SDK1: variants seen among roughly 807,000 people sequenced by gnomAD.
The protein encoded by SDK1 is sidekick cell adhesion molecule 1.
SDK1 carries 157 observed loss-of-function variants against 245.5 expected under a neutral mutation model. The ratio of observed to expected loss-of-function variants is 0.64; its 90% confidence interval spans 0.56 to 0.73. The LOEUF is 0.73. Among genes scored for constraint, SDK1 ranks in the 30% least tolerant of loss-of-function variants. SDK1 has a pLI of 0.00. For missense variants in SDK1, 3,583 were observed against 3,002.3 expected, an observed-to-expected ratio of 1.19 and a Z score of -4.52; for synonymous variants, 1,647 against 1,278.5, an observed-to-expected ratio of 1.29 and a Z score of -6.15.
At chr7:3,545,256 A>G (rs1779183637) in intron 1 of SDK1, among the ~76,000 whole-genome samples, 1 of 152,158 alleles carries the variant, frequency 6.6e-6, no homozygotes, top group African/African-American at 2.4e-5. Flanking sequence ...TAGAAAGTAG[A>G]GAAGAGTCAT....
chr7:3,640,056 T>C (rs1782602403), intron 3 of SDK1, among the ~76,000 whole-genome samples: 1 of 152,078 alleles, frequency 6.6e-6, no homozygotes, highest in Non-Finnish European at 1.5e-5. Flanking sequence ...GGGATCGCAC[T>C]GCATTGCCCA....
chr7:3,849,076 C>T (rs997001867), intron 5 of SDK1, among the ~76,000 whole-genome samples: 2 of 152,172 alleles, frequency 1.3e-5, no homozygotes, highest in African/African-American at 2.4e-5. Flanking sequence ...TTTTCATACC[C>T]GTCCTTTCTC....
intron 40 of SDK1, chr7:4,227,439 T>A (rs55953131): frequency 0.01 from 4,890 of 471,074 alleles, 202 homozygotes; most frequent in African/African-American, 0.089. Context: ...TGTCTTTTTT[T>A]TAAATCAGAT....
intron 5 of SDK1, among the ~76,000 whole-genome samples, chr7:3,845,195 C>G (rs1780246297): frequency 6.6e-6 from 1 of 152,006 alleles, no homozygotes; most frequent in African/African-American, 2.4e-5. Context: ...AGGTTGTTAA[C>G]CAAACCCATT....
intron 1 of SDK1, among the ~76,000 whole-genome samples, chr7:3,605,842 T>G (rs1781405213): frequency 6.6e-6 from 1 of 152,202 alleles, no homozygotes; most frequent in Admixed American, 6.5e-5. Flanking sequence ...TCTGATCAAA[T>G]TAAGTTGTTT....
intron 35 of SDK1, among the ~76,000 whole-genome samples, chr7:4,199,859 A>C (rs1480502601): frequency 6.6e-6 from 1 of 152,102 alleles, no homozygotes; most frequent in African/African-American, 2.4e-5. Context: ...GAACCACTCA[A>C]ATTAACCCAT....
At chr7:3,883,612 G>C (rs1448825148) in intron 5 of SDK1, among the ~76,000 whole-genome samples, 2 of 152,142 alleles carry the variant, frequency 1.3e-5, no homozygotes, top group East Asian at 1.9e-4. Context: ...GCAGGCCTTT[G>C]ACCTCTGTTC....
At chr7:3,658,374 T>A (rs749218958) in intron 4 of SDK1, among the ~76,000 whole-genome samples, 6 of 152,154 alleles carry the variant, frequency 3.9e-5, no homozygotes, top group Admixed American at 6.5e-5. Flanking sequence ...CAGTGAGCAC[T>A]GTGCTAGGCT....
At chr7:3,608,998 T>A (rs1398412160) in intron 1 of SDK1, among the ~76,000 whole-genome samples, 1 of 152,218 alleles carries the variant, frequency 6.6e-6, no homozygotes, top group African/African-American at 2.4e-5. Flanking sequence ...AATCTAGTTG[T>A]CCTTTATTAA....
chr7:4,219,303 G>A (rs1047293465), intron 38 of SDK1, among the ~76,000 whole-genome samples: 6 of 152,136 alleles, frequency 3.9e-5, no homozygotes, highest in Admixed American at 6.5e-5. Flanking sequence ...TCTTGTATAC[G>A]CTCCCTGTGT....
At chr7:4,056,120 T>G (rs1779178532) in intron 19 of SDK1, among the ~76,000 whole-genome samples, 1 of 152,130 alleles carries the variant, frequency 6.6e-6, no homozygotes, top group South Asian at 2.1e-4. Flanking sequence ...AATTGTAAAT[T>G]TTATGTCTCA....
intron 5 of SDK1, among the ~76,000 whole-genome samples, chr7:3,850,489 T>G (rs571498687): frequency 8.5e-5 from 13 of 152,306 alleles, no homozygotes; most frequent in African/African-American, 3.1e-4. Flanking sequence ...CCATTTGACC[T>G]AGCTATCCCA....
intron 14 of SDK1, among the ~76,000 whole-genome samples, chr7:4,010,017 A>G (rs1284121321): frequency 6.6e-6 from 1 of 152,228 alleles, no homozygotes; most frequent in African/African-American, 2.4e-5. Context: ...TATGGTGGAA[A>G]GCATGTGCCA....
intron 22 of SDK1, among the ~76,000 whole-genome samples, chr7:4,091,879 C>T (rs1256167962): frequency 2.0e-5 from 3 of 152,156 alleles, no homozygotes; most frequent in African/African-American, 7.2e-5. Context: ...TCTGGCCACA[C>T]GTTCTTCTGG....
chr7:4,139,326 A>G (rs967504710), intron 28 of SDK1, among the ~76,000 whole-genome samples: 1 of 152,026 alleles, frequency 6.6e-6, no homozygotes. Flanking sequence ...TGGCTTTTAT[A>G]CAAAAGAAGC....
At chr7:3,998,422 T>C (rs1173013526) in intron 14 of SDK1, among the ~76,000 whole-genome samples, 1 of 152,246 alleles carries the variant, frequency 6.6e-6, no homozygotes, top group East Asian at 1.9e-4. Context: ...CTTCTTAGGA[T>C]TTTTTAAAAT....
chr7:3,381,074 G>C (rs1246008895), intron 1 of SDK1, among the ~76,000 whole-genome samples: 2 of 152,200 alleles, frequency 1.3e-5, no homozygotes, highest in South Asian at 4.1e-4. Context: ...GTGCTTAGAG[G>C]TGGTAATTGA....
At chr7:4,136,559 T>G (rs370504469) in intron 28 of SDK1, among the ~76,000 whole-genome samples, 2 of 152,198 alleles carry the variant, frequency 1.3e-5, no homozygotes, top group Admixed American at 1.3e-4. Flanking sequence ...TGCGTAAATA[T>G]TTTACTGTGG....
Position 3,399,428 on chromosome 7 carries a change from T to G in SDK1, c.298+97544T>G, listed in dbSNP as rs559753477. 8.5e-4 allele frequency among the ~76,000 whole-genome samples: 129 copies of G among 152,046 alleles called. 1 individual carries two copies. The highest frequency in any genetic ancestry group is 1.5e-3 in the Non-Finnish European group (103 of 68,030). On this transcript the variant is annotated intron_variant, in intron 1 of 44. Transcript: ENST00000404826. ...TCTTAAGTTCAACATCTAGGCTTCA[T>G]CAGGGACAGCTTCTATTGACTCCTT...
Sources: allele counts gnomAD v4.1 joint callset (sites outside exome capture counted in the v4.1 genomes callset), GRCh38; gene constraint gnomAD v4.1.1; transcripts MANE v1.5; gene names NCBI Gene and HGNC (gene_info 2026-07-23, HGNC 2026-07-21).